Variants in ZNF76 observed in about 807,000 individuals in gnomAD.
The protein encoded by ZNF76 is zinc finger protein 523.
ZNF76 carries 66 observed loss-of-function variants against 66.9 expected under a neutral mutation model. That is an observed-to-expected ratio of 0.99 (90% CI 0.81 to 1.21). The LOEUF (loss-of-function observed/expected upper bound fraction) is 1.21. Among genes scored for constraint, ZNF76 ranks in the 50% most tolerant of loss-of-function variants. The pLI is 0.00. For synonymous variants in ZNF76, 275 were observed against 296.1 expected (o/e 0.93, Z 0.73); for missense variants, 729 against 760.3 (o/e 0.96, Z 0.48).
chr6:35,290,370 T>C lies in ZNF76; in HGVS notation c.537T>C (p.Ala179=), dbSNP rs1431749800. ...YKGCGRLYTT[A]HHLKVHERAH... is the part of the protein sequence containing the mutation. Reference sequence around the variant, plus strand: ...GCTGTGGGCGTCTCTACACCACCGCTCATCACTTAAAGGTAAGGTTGCTGG... The same window carrying C: ...GCTGTGGGCGTCTCTACACCACCGCCCATCACTTAAAGGTAAGGTTGCTGG... The change falls in exon 6 of 14, where the codon GCT becomes GCC. Residue 179 remains alanine, a synonymous_variant. Transcript: ENST00000373953. 6.2e-7 allele frequency: 1 copy of C among 1,614,084 alleles called. No individual in the cohort carries two copies. Among genetic ancestry groups the C allele is most frequent in the Admixed American group, 1.7e-5 (1 of 60,022 alleles).
rs73745145 is a variant in ZNF76 at position 35,264,497 on chromosome 6, A to G, written c.-97+4656A>G. The stretch of plus-strand genomic sequence containing the variant: ...GAACAGAGGAAACCAAGGAGGCAAA[A>G]TGTTGGTAATTTTTGAAGTTGGATA... On this transcript the variant is annotated intron_variant, in intron 1 of 13. Coordinates refer to ENST00000373953, the MANE Select transcript of ZNF76 (RefSeq NM_003427.5). 5.7e-3 allele frequency among the ~76,000 whole-genome samples: 870 copies of G among 152,288 alleles called. 8 individuals are homozygous for G. The highest frequency in any genetic ancestry group is 0.017 in the African/African-American group (689 of 41,566).
rs545818177 is a variant in ZNF76, at chr6:35,292,311, C to T, written c.932-243C>T. ...GCCCCCTACCAGCCCCTTCACTAGC[C>T]CCAGCCTTGCCCTGTCCCCCGTTTC... On this transcript the variant is annotated intron_variant, in intron 9 of 13. Coordinates refer to ENST00000373953, the MANE Select transcript of ZNF76 (RefSeq NM_003427.5). This position sits in a 1 kb window ranked among gnomAD's most constrained non-coding sequence, Gnocchi z 4.7. 2 of 566,358 alleles carry T rather than the reference C, an allele frequency of 3.5e-6. No individual in the cohort carries two copies. The highest frequency in any genetic ancestry group is 3.2e-6 in the Non-Finnish European group (1 of 313,870). 35.1% of individuals were successfully genotyped at this position (566,358 alleles called of 1,614,324 possible).
chr6:35,277,091 G>T (rs1462474291), intron 1 of ZNF76, among the ~76,000 whole-genome samples: 1 of 151,860 alleles, frequency 6.6e-6, no homozygotes, highest in African/African-American at 2.4e-5. Flanking sequence ...GAGCCACCGT[G>T]CCCAGCCTGC....
chr6:35,273,550 A>C lies in ZNF76; in HGVS notation c.-96-7506A>C, dbSNP rs975225578. 4.0e-5 allele frequency among the ~76,000 whole-genome samples: 6 copies of C among 150,786 alleles called. No individual in the cohort carries two copies. The East Asian group carries it at 1.2e-3, about 31-fold the overall frequency. On this transcript the variant is annotated intron_variant, in intron 1 of 13. Coordinates refer to ENST00000373953, the MANE Select transcript of ZNF76 (RefSeq NM_003427.5). The stretch of plus-strand genomic sequence containing the variant: ...ATAATCCCAGTACATTGGGAGGCCA[A>C]CGCAGGCAGATCATGAGGTCAGGAG...
chr6:35,291,491 C>G (rs1790373629), intron 8 of ZNF76, 67 bp from the exon 9 acceptor site: 1 of 1,607,882 alleles, frequency 6.2e-7, no homozygotes. Context: ...AGCCCAGTGC[C>G]ATCCCCAGCT....
intron 13 of ZNF76, 68 bp from the exon 14 acceptor site, chr6:35,295,076 T>C (rs936078316): frequency 2.3e-6 from 3 of 1,296,908 alleles, no homozygotes; most frequent in Non-Finnish European, 3.3e-6. Flanking sequence ...AGGCCACATA[T>C]TACTAACACT....
chr6:35,280,991 C>G, intron 1 of ZNF76, 65 bp from the exon 2 acceptor site: 2 of 705,694 alleles, frequency 2.8e-6, no homozygotes, highest in Non-Finnish European at 5.0e-6. Flanking sequence ...TAACTCCTTC[C>G]CTGAGTGTCT....
At position 35,292,258 on chromosome 6, in the gene ZNF76, T is replaced by A. The variant is rs1582193088; in HGVS notation, c.932-296T>A. The stretch of plus-strand genomic sequence containing the variant: ...CCTCTGCTGTTCACCATTCTCAACC[T>A]CCCACCCTCAACCTTATAAGCCCCA... On this transcript the variant is annotated intron_variant, in intron 9 of 13. Coordinates refer to ENST00000373953, the MANE Select transcript of ZNF76 (RefSeq NM_003427.5). The surrounding 1 kb of genome is among the most constrained non-coding windows in gnomAD (Gnocchi z 4.7). 1 of 496,010 alleles carries A rather than the reference T, an allele frequency of 2.0e-6. No homozygotes were observed. The highest frequency in any genetic ancestry group is 1.9e-5 in the African/African-American group (1 of 51,666). The allele number at this position is 496,010 out of a possible 1,614,324, so 30.7% of individuals were successfully genotyped here.
intron 2 of ZNF76, among the ~76,000 whole-genome samples, chr6:35,284,941 G>A: frequency 6.6e-6 from 1 of 151,548 alleles, no homozygotes; most frequent in Admixed American, 6.6e-5. Context: ...AAACTCCTGA[G>A]CTCAAGCGAT....
At chr6:35,289,979 C>T (rs576690745) in intron 5 of ZNF76, among the ~76,000 whole-genome samples, 3 of 152,264 alleles carry the variant, frequency 2.0e-5, no homozygotes, top group East Asian at 1.9e-4. Flanking sequence ...TTCACCTTAC[C>T]TAGCTGTCTA....
chr6:35,289,886 C>G (rs1048041479), intron 5 of ZNF76, among the ~76,000 whole-genome samples: 1 of 152,166 alleles, frequency 6.6e-6, no homozygotes, highest in Admixed American at 6.5e-5. Context: ...TTGAGAGTTG[C>G]AGGCTCCTAG....
At chr6:35,279,405 A>G (rs1788404517) in intron 1 of ZNF76, 1 of 150,078 alleles carries the variant, frequency 6.7e-6, no homozygotes, top group South Asian at 2.1e-4. Flanking sequence ...CATTTCGAGC[A>G]TAAATACCTT....
chr6:35,285,130 G>A (rs1789371078), intron 2 of ZNF76, among the ~76,000 whole-genome samples: 1 of 152,216 alleles, frequency 6.6e-6, no homozygotes, highest in Non-Finnish European at 1.5e-5. Context: ...AGCCTTATTA[G>A]AAGTGCTTTC....
Position 35,291,267 on chromosome 6 carries a change from C to T in ZNF76, c.626-11C>T, listed in dbSNP as rs759048659. ...TGCTCATCTCACCCCCTGCCTGCCACATATGGACAGGCTATGGACTGAAGA... is the reference window on the plus strand; with the variant it reads ...TGCTCATCTCACCCCCTGCCTGCCATATATGGACAGGCTATGGACTGAAGA... On this transcript the variant is annotated splice_polypyrimidine_tract_variant and intron_variant, in intron 7 of 13. Transcript: ENST00000373953. The T allele has an allele frequency of 5.0e-6, 8 of 1,602,230 alleles. No individual in the cohort carries two copies.
chr6:35,281,161 T>C lies in ZNF76; in HGVS notation c.10T>C (p.Leu4=). 1 of 1,614,052 alleles carries C rather than the reference T, an allele frequency of 6.2e-7. No individual in the cohort carries two copies. ...CGAGCAGCAGTTTGCCATGGAGAGC[T>C]TGGGGCTGCACACGGTGACCCTTAG... MES[L]GLHTVTLSDG... is the part of the protein sequence containing the mutation. Residue 4 remains leucine, a synonymous_variant, in exon 2 of 14, where the codon TTG becomes CTG. Transcript: ENST00000373953.
rs772913077 is a variant in ZNF76, at chr6:35,295,167, G to A, written c.1632G>A (p.Glu544=). The A allele has an allele frequency of 3.1e-6, 5 of 1,612,486 alleles. No individual in the cohort carries two copies. Among genetic ancestry groups the A allele is most frequent in the Non-Finnish European group, 4.2e-6 (5 of 1,179,394 alleles). The change falls in exon 14 of 14, where the codon GAG becomes GAA. Residue 544 remains glutamate, a synonymous_variant. Coordinates refer to ENST00000373953, the MANE Select transcript of ZNF76 (RefSeq NM_003427.5). ...AGCTGGAGGAACAGCAGACCTTAGA[G>A]GAGGCCATCAATGTGGCCACTGCGG... ...AVQLEEQQTL[E]EAINVATAAM... is the part of the protein sequence containing the mutation.
chr6:35,291,227 T>C (rs748725730), intron 7 of ZNF76, 51 bp from the exon 8 acceptor site: 21 of 1,564,136 alleles, frequency 1.3e-5, no homozygotes, highest in Non-Finnish European at 1.6e-5. Context: ...CGGTGGAGGA[T>C]GAGACCCCAC....
chr6:35,267,158 A>G (rs1786272743), intron 1 of ZNF76, among the ~76,000 whole-genome samples: 5 of 151,300 alleles, frequency 3.3e-5, no homozygotes, highest in Admixed American at 3.3e-4. Flanking sequence ...GCAGTGGCGC[A>G]ATCATGGAGG....
At chr6:35,282,957 T>G (rs1165396690) in intron 2 of ZNF76, among the ~76,000 whole-genome samples, 20 of 152,176 alleles carry the variant, frequency 1.3e-4, no homozygotes, top group Non-Finnish European at 1.0e-4. Context: ...AGCCTGAAAC[T>G]CTCTGTTTGC....
Sources: gnomAD v4.1 joint callset for allele counts (sites outside exome capture counted in the v4.1 genomes callset) on GRCh38, gnomAD v4.1.1 for gene constraint, Gnocchi (gnomAD v3.1) non-coding constraint, MANE v1.5 for transcripts, NCBI Gene and HGNC (gene_info 2026-07-23, HGNC 2026-07-21) for gene names.